The following AQP7B variants were observed in gnomAD, a reference collection of about 807,000 sequenced individuals.
AQP7B encodes putative aquaporin-7B.
the AQP7B span, among the ~76,000 whole-genome samples, chr2:94,590,650 G>A: frequency 8.5e-5 from 13 of 152,172 alleles, no homozygotes; most frequent in African/African-American, 3.1e-4. Flanking sequence ...TTAGTCAAAG[G>A]GTTAGTAAGC....
the AQP7B span, among the ~76,000 whole-genome samples, chr2:94,591,918 T>G: frequency 1.3e-5 from 2 of 152,188 alleles, no homozygotes; most frequent in African/African-American, 4.8e-5. Flanking sequence ...CTCATCACAC[T>G]GCATAGTAAT....
the AQP7B span, among the ~76,000 whole-genome samples, chr2:94,589,793 C>T: frequency 3.0e-4 from 45 of 152,060 alleles, 1 homozygote; most frequent in Admixed American, 2.9e-3. Context: ...CAAGTCCACT[C>T]CTCCTGTGCT....
the AQP7B span, among the ~76,000 whole-genome samples, chr2:94,587,769 G>A: frequency 3.3e-5 from 5 of 152,132 alleles, no homozygotes; most frequent in Non-Finnish European, 7.4e-5. Flanking sequence ...AGGGGGAGGC[G>A]TGCAGGCAGG....
At chr2:94,588,560 C>T in the AQP7B span, 22 of 782,054 alleles carry the variant, frequency 2.8e-5, no homozygotes, top group African/African-American at 2.2e-4. Flanking sequence ...AAGTACCCCA[C>T]CCTCTTCTCA....
the AQP7B span, chr2:94,604,244 C>T: frequency 6.5e-7 from 1 of 1,540,472 alleles, no homozygotes; most frequent in Non-Finnish European, 8.8e-7. Context: ...GGGTGCTGTC[C>T]TGGGCATCAG....
At chr2:94,602,393 C>A in the AQP7B span, 2 of 1,258,330 alleles carry the variant, frequency 1.6e-6, no homozygotes, top group Non-Finnish European at 2.2e-6. Context: ...GCCAGGGAGG[C>A]CCAGGGCATG....
At chr2:94,588,120 C>A in the AQP7B span, among the ~76,000 whole-genome samples, 1 of 151,876 alleles carries the variant, frequency 6.6e-6, no homozygotes, top group South Asian at 2.1e-4. Flanking sequence ...AGGTCCTGGA[C>A]AGTCGCAGCT....
chr2:94,595,836 A>T, the AQP7B span, among the ~76,000 whole-genome samples: 2 of 152,132 alleles, frequency 1.3e-5, no homozygotes, highest in East Asian at 1.9e-4. Context: ...CCTGTGGGGA[A>T]ATCCAGGAGA....
the AQP7B span, among the ~76,000 whole-genome samples, chr2:94,597,022 G>T: frequency 1.3e-5 from 2 of 152,102 alleles, no homozygotes; most frequent in East Asian, 3.9e-4. Flanking sequence ...TTCCTTATTG[G>T]TTAACAGGAG....
At chr2:94,588,582 C>A in the AQP7B span, 2 of 681,154 alleles carry the variant, frequency 2.9e-6, no homozygotes, top group South Asian at 1.7e-5. Context: ...CCTCCAGCCC[C>A]CTGTCCTCCA....
chr2:94,591,888 C>G, the AQP7B span, among the ~76,000 whole-genome samples: 1 of 152,194 alleles, frequency 6.6e-6, no homozygotes, highest in Non-Finnish European at 1.5e-5. Flanking sequence ...ACAGTGCCCA[C>G]TCTTTCAGCT....
the AQP7B span, among the ~76,000 whole-genome samples, chr2:94,592,812 CTTTTTTTTTTTTTT>C: frequency 7.6e-3 from 396 of 51,780 alleles, 3 homozygotes; most frequent in Middle Eastern, 0.065. Context: ...ATTAATTAAG[CTTTTTTTTTTTTTT>C]TTTTTTTTTT....
At chr2:94,593,640 C>T in the AQP7B span, among the ~76,000 whole-genome samples, 3 of 152,054 alleles carry the variant, frequency 2.0e-5, no homozygotes, top group Non-Finnish European at 4.4e-5. Flanking sequence ...CATGTGCCAC[C>T]ACGCCTGGCT....
the AQP7B span, chr2:94,594,754 G>T: frequency 6.3e-7 from 1 of 1,579,352 alleles, no homozygotes; most frequent in South Asian, 1.1e-5. Context: ...GTCCACCCGT[G>T]GCTCCAAAAT....
At chr2:94,602,163 T>C in the AQP7B span, among the ~76,000 whole-genome samples, 38 of 151,942 alleles carry the variant, frequency 2.5e-4, 1 homozygote, top group African/African-American at 9.2e-4. Context: ...GTGCAATGCA[T>C]GCCAGCCATC....
chr2:94,590,176 C>T, the AQP7B span, among the ~76,000 whole-genome samples: 7 of 152,198 alleles, frequency 4.6e-5, no homozygotes, highest in South Asian at 1.0e-3. Context: ...TAAGTAGGTG[C>T]TCAACAAAAA....
At chr2:94,588,041 C>G in the AQP7B span, among the ~76,000 whole-genome samples, 1 of 151,922 alleles carries the variant, frequency 6.6e-6, no homozygotes, top group Non-Finnish European at 1.5e-5. Context: ...TTTTCAGGGC[C>G]TCATCCTGTG....
chr2:94,603,814 G>A, the AQP7B span: 25 of 1,508,638 alleles, frequency 1.7e-5, no homozygotes, highest in South Asian at 1.6e-4. Flanking sequence ...AAGCATCCTC[G>A]TGGTCATCAT....
At chr2:94,599,020 T>G in the AQP7B span, among the ~76,000 whole-genome samples, 6 of 152,082 alleles carry the variant, frequency 3.9e-5, no homozygotes, top group African/African-American at 1.4e-4. Flanking sequence ...GCTAGGCAGG[T>G]CTCGAACTCC....
Sources: gnomAD v4.1 joint callset for allele counts (sites outside exome capture counted in the v4.1 genomes callset) on GRCh38, gnomAD v4.1.1 for gene constraint, MANE v1.5 for transcripts, NCBI Gene and HGNC (gene_info 2026-07-23, HGNC 2026-07-21) for gene names.